Variants in CSMD3 observed in about 807,000 individuals in gnomAD.
CSMD3 encodes the protein CUB and Sushi multiple domains 3, also known as CUB and sushi domain-containing protein 3.
Under a neutral mutation model 435.2 loss-of-function variants are expected in CSMD3, and 177 were observed. The observed-to-expected ratio is 0.41, with a 90% CI of 0.36 to 0.46. The LOEUF is 0.46. Among genes scored for constraint, CSMD3 ranks in the 20% least tolerant of loss-of-function variants. The pLI is 0.34. For synonymous variants in CSMD3, 1,656 were observed against 1,520.5 expected, an observed-to-expected ratio of 1.09 and a Z score of -2.07; for missense variants, 4,265 against 4,504.6, an observed-to-expected ratio of 0.95 and a Z score of 1.52.
At chr8:112,408,778 T>C in intron 33 of CSMD3, 141 bp downstream of exon 33, 4 of 1,387,990 alleles carry the variant, frequency 2.9e-6, no homozygotes, top group Non-Finnish European at 3.9e-6. Context: ...GTTTCTATTC[T>C]TTAGAAAAAA....
At chr8:112,354,579 A>T (rs1826418305) in intron 38 of CSMD3, among the ~76,000 whole-genome samples, 1 of 152,182 alleles carries the variant, frequency 6.6e-6, no homozygotes, top group Non-Finnish European at 1.5e-5. Context: ...AGTCAAATTA[A>T]GAATGCAACC....
At chr8:113,071,410 A>C (rs1255785969) in intron 5 of CSMD3, among the ~76,000 whole-genome samples, 2 of 151,842 alleles carry the variant, frequency 1.3e-5, no homozygotes, top group Non-Finnish European at 2.9e-5. Flanking sequence ...CGAAGTCAAG[A>C]AGCTCTCTAT....
chr8:112,902,022 G>A (rs1369519792), intron 10 of CSMD3, among the ~76,000 whole-genome samples: 1 of 151,222 alleles, frequency 6.6e-6, no homozygotes. Context: ...CCCATATAAT[G>A]TCAAAGAAAT....
chr8:112,318,702 T>A (rs1175629736), intron 47 of CSMD3, 135 bp downstream of exon 47: 1 of 651,258 alleles, frequency 1.5e-6, no homozygotes, highest in Admixed American at 2.6e-5. Flanking sequence ...ATAGCACATA[T>A]GAGTTATAAA....
chr8:113,237,533 G>A (rs1223411650), intron 3 of CSMD3, among the ~76,000 whole-genome samples: 1 of 152,152 alleles, frequency 6.6e-6, no homozygotes, highest in East Asian at 1.9e-4. Flanking sequence ...CGGATGTATT[G>A]CCATGTCTAG....
intron 8 of CSMD3, among the ~76,000 whole-genome samples, chr8:112,948,548 T>C (rs1457068120): frequency 6.6e-6 from 1 of 152,082 alleles, no homozygotes; most frequent in Non-Finnish European, 1.5e-5. Context: ...ATTAATTTTT[T>C]CAGTGAATGT....
chr8:113,029,345 T>C (rs2086994863), intron 5 of CSMD3, among the ~76,000 whole-genome samples: 1 of 151,512 alleles, frequency 6.6e-6, no homozygotes, highest in Non-Finnish European at 1.5e-5. Flanking sequence ...CAGACTGATA[T>C]CCTTGATGAA....
chr8:112,885,412 C>A (rs1459006), intron 10 of CSMD3, among the ~76,000 whole-genome samples: 120,629 of 151,132 alleles, frequency 0.8, 48,930 homozygotes, highest in East Asian at 0.93. Flanking sequence ...CTATATGCTA[C>A]TATAGTTGAT....
At chr8:113,010,463 AT>A (rs1039762111) in intron 6 of CSMD3, among the ~76,000 whole-genome samples, 1 of 151,838 alleles carries the variant, frequency 6.6e-6, no homozygotes, top group Admixed American at 6.6e-5. Context: ...ATGATCTATC[AT>A]TTTATCAGTT....
chr8:113,103,571 A>G (rs2131567141), intron 4 of CSMD3, among the ~76,000 whole-genome samples: 1 of 152,224 alleles, frequency 6.6e-6, no homozygotes, highest in East Asian at 1.9e-4. Flanking sequence ...AATTTTCAGG[A>G]GCAATATTAT....
intron 32 of CSMD3, among the ~76,000 whole-genome samples, chr8:112,471,807 A>G (rs1407233960): frequency 6.6e-6 from 1 of 152,172 alleles, no homozygotes; most frequent in Non-Finnish European, 1.5e-5. Context: ...CAAATCCTTT[A>G]CTATGTAACA....
chr8:112,516,379 T>C (rs1823672005), intron 28 of CSMD3, among the ~76,000 whole-genome samples: 1 of 152,172 alleles, frequency 6.6e-6, no homozygotes, highest in Non-Finnish European at 1.5e-5. Flanking sequence ...AAGATTAAAC[T>C]AGTTTAATGA....
chr8:112,859,076 G>A (rs1263122718), intron 11 of CSMD3, 69 bp downstream of exon 11: 36 of 1,435,118 alleles, frequency 2.5e-5, no homozygotes, highest in South Asian at 5.8e-5. Context: ...TGCATGTTCC[G>A]TATTATTTCT....
chr8:112,859,454 G>C (rs1306867925), intron 10 of CSMD3, among the ~76,000 whole-genome samples, 188 bp from the exon 11 acceptor site: 2 of 151,624 alleles, frequency 1.3e-5, no homozygotes, highest in Non-Finnish European at 3.0e-5. Flanking sequence ...TCACAAGCTC[G>C]ATATTTTCAA....
intron 5 of CSMD3, among the ~76,000 whole-genome samples, chr8:113,033,006 C>A (rs2087184540): frequency 2.0e-5 from 3 of 151,496 alleles, no homozygotes. Flanking sequence ...TGGTATTGGG[C>A]CTGCAGGTAT....
At chr8:112,309,316 A>T (rs1055652597) in intron 50 of CSMD3, among the ~76,000 whole-genome samples, 2 of 152,054 alleles carry the variant, frequency 1.3e-5, no homozygotes, top group East Asian at 3.9e-4. Flanking sequence ...TATGTATACC[A>T]TATAGGAGTG....
chr8:112,297,018 C>T (rs908654944), intron 53 of CSMD3, among the ~76,000 whole-genome samples: 7 of 151,196 alleles, frequency 4.6e-5, no homozygotes, highest in South Asian at 2.1e-4. Flanking sequence ...AATTATAACT[C>T]GCCCCAAAAC....
At chr8:112,699,715 A>G (rs762216911) in intron 13 of CSMD3, among the ~76,000 whole-genome samples, 4 of 152,210 alleles carry the variant, frequency 2.6e-5, no homozygotes, top group Non-Finnish European at 4.4e-5. Context: ...AGAGGCGAGC[A>G]TCATTTTTGT....
At chr8:112,433,108 A>G (rs1407119688) in intron 32 of CSMD3, among the ~76,000 whole-genome samples, 1 of 152,114 alleles carries the variant, frequency 6.6e-6, no homozygotes, top group East Asian at 1.9e-4. Flanking sequence ...TTCCAAAAGT[A>G]CAGGCTAATC....
Sources: allele counts gnomAD v4.1 joint callset (sites outside exome capture counted in the v4.1 genomes callset), GRCh38; gene constraint gnomAD v4.1.1; transcripts MANE v1.5; gene names NCBI Gene and HGNC (gene_info 2026-07-23, HGNC 2026-07-21).